The following RGS12 variants were observed in gnomAD, a reference collection of about 807,000 sequenced individuals.
RGS12 encodes regulator of G protein signaling 12.
Under a neutral mutation model 120.1 loss-of-function variants are expected in RGS12, and 66 were observed. The observed-to-expected ratio is 0.55, with a 90% confidence interval of 0.45 to 0.67. The LOEUF (loss-of-function observed/expected upper bound fraction) is 0.67, where lower values mean the gene tolerates loss of function less well. Among genes scored for constraint, RGS12 ranks in the 30% least tolerant of loss-of-function variants. The pLI, the probability that RGS12 is intolerant of heterozygous loss-of-function variation, is 0.00. For synonymous variants in RGS12, 827 were observed against 804.7 expected (o/e 1.03, Z -0.47); for missense variants, 1,859 against 1,957.7 (o/e 0.95, Z 0.95).
intron 1 of RGS12, among the ~76,000 whole-genome samples, chr4:3,301,961 T>G (rs931125747): frequency 6.6e-6 from 1 of 151,020 alleles, no homozygotes; most frequent in Non-Finnish European, 1.5e-5. Context: ...TTGTCATGTA[T>G]CTGAGATTCA....
intron 2 of RGS12, among the ~76,000 whole-genome samples, chr4:3,323,710 A>G (rs1171180289): frequency 2.0e-5 from 3 of 152,174 alleles, no homozygotes; most frequent in African/African-American, 7.2e-5. Flanking sequence ...AAATTCTTAA[A>G]GTTCTATCTT....
In RGS12 at chr4:3,438,959, G is replaced by A. The variant is rs556598147; in HGVS notation, c.4115-496G>A. ...GGGCGAGCAGGTGGCCAGCCTGGCA[G>A]GGTGGGATGGGGCAGCAGACACAGG... is the stretch of plus-strand genomic sequence containing the variant. On this transcript the variant is annotated intron_variant, in intron 17 of 17. Coordinates refer to ENST00000336727, the MANE Select transcript of RGS12 (RefSeq NM_001394154.1). Among the ~76,000 whole-genome samples, 16 of 152,264 alleles carry A rather than the reference G, an allele frequency of 1.1e-4. No individual in the cohort carries two copies. In the South Asian group the frequency reaches 1.4e-3, roughly 14 times the overall value.
At chr4:3,354,413 C>T (rs962982482) in intron 3 of RGS12, among the ~76,000 whole-genome samples, 1 of 152,198 alleles carries the variant, frequency 6.6e-6, no homozygotes, top group Non-Finnish European at 1.5e-5. Context: ...TGATGACTCT[C>T]TCTCCCAAAT....
intron 1 of RGS12, among the ~76,000 whole-genome samples, chr4:3,299,543 G>C (rs948088762): frequency 6.6e-6 from 1 of 152,174 alleles, no homozygotes; most frequent in Non-Finnish European, 1.5e-5. Flanking sequence ...AGCAGCGTGG[G>C]AGGATGTGGG....
intron 6 of RGS12, 98 bp downstream of exon 6, chr4:3,414,942 G>A (rs1722185508): frequency 3.5e-6 from 3 of 848,016 alleles, no homozygotes; most frequent in African/African-American, 1.7e-5. Context: ...TGAGGGGCAT[G>A]TGAGGGGTGT....
chr4:3,335,962 C>T (rs1712413625), intron 2 of RGS12, among the ~76,000 whole-genome samples: 2 of 152,156 alleles, frequency 1.3e-5, no homozygotes, highest in African/African-American at 4.8e-5. Flanking sequence ...CATGGTGGTG[C>T]GTGCCTGTAG....
the RGS12 span, among the ~76,000 whole-genome samples, chr4:3,286,639 C>T: frequency 1.3e-5 from 2 of 152,072 alleles, no homozygotes; most frequent in African/African-American, 2.4e-5. Context: ...GGATGCAGGG[C>T]GAGGGAGTGA....
At chr4:3,324,498 C>T in intron 2 of RGS12, 1 of 196,146 alleles carries the variant, frequency 5.1e-6, no homozygotes, top group Non-Finnish European at 1.0e-5. Context: ...CATTGGGTAG[C>T]TGCCTGTGGC....
rs186190067 is a variant in RGS12 at position 3,351,586 on chromosome 4, G to A, written c.1998+8533G>A. On this transcript the variant is annotated intron_variant, in intron 3 of 17. Coordinates refer to ENST00000336727, the MANE Select transcript of RGS12 (RefSeq NM_001394154.1). The stretch of plus-strand genomic sequence containing the variant: ...TAAAAGAAAATCTTAGTTTCCATAA[G>A]CAATGAGTTTATCTTAATGCTGGCA... 1.1e-4 allele frequency among the ~76,000 whole-genome samples: 17 copies of A among 152,216 alleles called. 1 individual carries two copies. In the Middle Eastern group the frequency reaches 0.01, roughly 91 times the overall value.
intron 4 of RGS12, among the ~76,000 whole-genome samples, chr4:3,407,803 T>TA (rs1721319326): frequency 6.6e-6 from 1 of 152,376 alleles, no homozygotes; most frequent in African/African-American, 2.4e-5. Flanking sequence ...GGCCGTGTGT[T>TA]ACAGAACTAA....
At position 3,317,528 on chromosome 4, in the gene RGS12, G is replaced by T. The variant is rs151194139; in HGVS notation, c.1358G>T (p.Gly453Val). 1.8e-3 allele frequency: 2,942 copies of T among 1,611,536 alleles called. 7 individuals are homozygous for T. The highest frequency in any genetic ancestry group is 2.3e-3 in the Non-Finnish European group (2,769 of 1,179,884). The change falls in exon 2 of 18, where the codon GGA (glycine) becomes GTA (valine). Residue 453 changes from glycine to valine, a missense_variant. Gly to Val is a moderately radical substitution (Grantham distance 109). Coordinates refer to ENST00000336727, the MANE Select transcript of RGS12 (RefSeq NM_001394154.1). ...GGGAGCTCGAGCAGACACGGCCCCG[G>T]AGGCAGCGCGTGGGACGGTGTGGGT... The part of the protein sequence containing the change: ...LGGSSSRHGP[G>V]GSAWDGVGGR...
rs147416450 is a variant in RGS12 at position 3,317,639 on chromosome 4, A to G, written c.1469A>G (p.His490Arg). ...PEGSPPFEAA[H>R]QTDRFWDLNK... Reference sequence around the variant, plus strand: ...GGGAGCCCCCCATTTGAGGCCGCTCATCAGACTGACAGGTTCTGGGACCTA... The same window carrying G: ...GGGAGCCCCCCATTTGAGGCCGCTCGTCAGACTGACAGGTTCTGGGACCTA... Residue 490 changes from histidine to arginine, a missense_variant, in exon 2 of 18, where the codon CAT becomes CGT. His to Arg is a conservative substitution (Grantham distance 29). Around this residue, in one of 3 missense-constraint regions of RGS12, gnomAD observed 967 missense variants for 994.2 expected, o/e 0.97. Coordinates refer to ENST00000336727, the MANE Select transcript of RGS12 (RefSeq NM_001394154.1). 406 of 1,594,214 alleles carry G rather than the reference A, an allele frequency of 2.5e-4. 2 individuals carry two copies. The highest frequency in any genetic ancestry group is 1.5e-3 in the Admixed American group (88 of 58,552).
In RGS12 at chr4:3,439,633, G is replaced by T; in HGVS notation, c.4293G>T (p.Pro1431=). The change falls in exon 18 of 18, where the codon CCG becomes CCT. Residue 1431 remains proline, a synonymous_variant. Transcript: ENST00000336727. ...ACCTCCCTGGCTTGGGCCCCGTCCC[G>T]GGTGAGCCTGCTAAGCCCAAGACCA... ...TSDLPGLGPV[P]GEPAKPKTSA... is the part of the protein sequence containing the mutation. The T allele has an allele frequency of 1.3e-6, 2 of 1,591,260 alleles. No individual in the cohort carries two copies. The highest frequency in any genetic ancestry group is 1.7e-6 in the Non-Finnish European group (2 of 1,168,836).
intron 10 of RGS12, 89 bp from the exon 11 acceptor site, chr4:3,422,287 C>A: frequency 7.4e-7 from 1 of 1,357,338 alleles, no homozygotes; most frequent in Non-Finnish European, 1.0e-6. Flanking sequence ...CCAGCACGTG[C>A]GGCCTGGGCC....
At chr4:3,417,124 G>A in intron 8 of RGS12, 32 bp downstream of exon 8, 7 of 1,552,632 alleles carry the variant, frequency 4.5e-6, no homozygotes, top group Non-Finnish European at 6.1e-6. Flanking sequence ...TCACGCCCCT[G>A]TGGGTTGTGT....
chr4:3,420,556 C>A, intron 9 of RGS12, 86 bp from the exon 10 acceptor site: 1 of 1,391,974 alleles, frequency 7.2e-7, no homozygotes, highest in Non-Finnish European at 1.0e-6. Context: ...TCTGTCTGCT[C>A]AGCCTAAAGG....
At chr4:3,415,645 G>A (rs552280407) in intron 6 of RGS12, among the ~76,000 whole-genome samples, 1 of 152,214 alleles carries the variant, frequency 6.6e-6, no homozygotes, top group Non-Finnish European at 1.5e-5. Context: ...TCGTCTGCTC[G>A]CAATGCTCAG....
In RGS12 at chr4:3,317,732, C is replaced by A. The variant is rs781679823; in HGVS notation, c.1562C>A (p.Pro521His). Reference sequence around the variant, plus strand: ...GCTTCCTTGAGGAGCTCAGTCCCCCCTTCCAAGAGGGGCACCGTGGGTGCT... The same window carrying A: ...GCTTCCTTGAGGAGCTCAGTCCCCCATTCCAAGAGGGGCACCGTGGGTGCT... ...PPASLRSSVPPSKRGTVGAGC... is the reference protein window; with the variant it reads ...PPASLRSSVPHSKRGTVGAGC... Residue 521 changes from proline (P) to histidine (H), a missense_variant, in exon 2 of 18, where the codon CCT (proline) becomes CAT (histidine). Transcript: ENST00000336727. 1 of 1,613,452 alleles carries A rather than the reference C, an allele frequency of 6.2e-7. No homozygotes were observed.
At chr4:3,322,043 T>A (rs1475577304) in intron 2 of RGS12, among the ~76,000 whole-genome samples, 1 of 152,238 alleles carries the variant, frequency 6.6e-6, no homozygotes, top group Non-Finnish European at 1.5e-5. Context: ...TTGCCAACGC[T>A]TTTGTCACTG....
Sources: allele counts gnomAD v4.1 joint callset (sites outside exome capture counted in the v4.1 genomes callset), GRCh38; gene constraint gnomAD v4.1.1; regional missense constraint gnomAD v4.1.1; transcripts MANE v1.5; gene names NCBI Gene and HGNC (gene_info 2026-07-23, HGNC 2026-07-21).